VPS35L: variants seen among roughly 807,000 people sequenced by gnomAD.
The protein encoded by VPS35L is VPS35 endosomal protein-sorting factor-like.
In VPS35L, 83 loss-of-function variants were observed where a neutral mutation model predicts 133.0. The ratio of observed to expected loss-of-function variants is 0.62; its 90% confidence interval spans 0.52 to 0.75. The LOEUF is 0.75. VPS35L is among the 30% of genes least tolerant of loss of function. VPS35L has a pLI of 0.00. For missense variants in VPS35L, 1,083 were observed against 1,206.8 expected (o/e 0.90, Z 1.52); for synonymous variants, 423 against 449.9 (o/e 0.94, Z 0.76).
intron 7 of VPS35L, among the ~76,000 whole-genome samples, chr16:19,587,860 C>G (rs1182762045): frequency 3.6e-5 from 5 of 138,342 alleles, no homozygotes. Context: ...AGTGCAGTGG[C>G]GTGATCTCTG....
At chr16:19,640,378 A>C (rs1190977172) in intron 21 of VPS35L, among the ~76,000 whole-genome samples, 1 of 152,248 alleles carries the variant, frequency 6.6e-6, no homozygotes, top group East Asian at 1.9e-4. Context: ...AAAGTTTGTC[A>C]TTCGTGTTTA....
intron 1 of VPS35L, among the ~76,000 whole-genome samples, chr16:19,559,345 C>T (rs1378235604): frequency 2.0e-5 from 3 of 152,178 alleles, no homozygotes; most frequent in South Asian, 2.1e-4. Flanking sequence ...TTTGAATAGC[C>T]AAGGGCTAAG....
chr16:19,624,773 TA>T (rs1973208505), intron 14 of VPS35L, among the ~76,000 whole-genome samples: 1 of 152,124 alleles, frequency 6.6e-6, no homozygotes, highest in East Asian at 1.9e-4. Context: ...TGCCACTTAT[TA>T]GGAAGTGTCT....
intron 7 of VPS35L, among the ~76,000 whole-genome samples, chr16:19,585,854 A>G (rs918482516): frequency 5.3e-5 from 8 of 152,158 alleles, no homozygotes; most frequent in Admixed American, 1.3e-4. Context: ...ATGTCTATTC[A>G]ATGCCTGCCC....
At chr16:19,686,804 A>T (rs981873673) in intron 28 of VPS35L, among the ~76,000 whole-genome samples, 3 of 151,912 alleles carry the variant, frequency 2.0e-5, no homozygotes, top group Non-Finnish European at 1.5e-5. Flanking sequence ...CCCTTTTCCC[A>T]CTTCTGCTAG....
chr16:19,698,466 C>CCTTA (rs1361406630), intron 29 of VPS35L, among the ~76,000 whole-genome samples: 1 of 152,188 alleles, frequency 6.6e-6, no homozygotes, highest in East Asian at 1.9e-4. Context: ...ATGCTCCCTA[C>CCTTA]CTTAATTCCA....
chr16:19,681,377 A>G (rs943245385), intron 27 of VPS35L, among the ~76,000 whole-genome samples: 13 of 152,166 alleles, frequency 8.5e-5, no homozygotes, highest in African/African-American at 2.9e-4. Flanking sequence ...GCAGGTTCCA[A>G]TCATGCTGTT....
chr16:19,617,707 C>G (rs1972941655), intron 14 of VPS35L: 1 of 152,124 alleles, frequency 6.6e-6, no homozygotes, highest in African/African-American at 2.4e-5. Flanking sequence ...GTCATGAAGA[C>G]TGTGATAGGC....
chr16:19,626,201 A>G lies in VPS35L; in HGVS notation c.1249A>G (p.Arg417Gly), dbSNP rs1279807575. The G allele has an allele frequency of 2.5e-6, 4 of 1,599,906 alleles. No individual in the cohort carries two copies. The South Asian group carries it at 3.3e-5, about 13-fold the overall frequency. The part of the protein sequence containing the change: ...PEALLTEMME[R>G]CKKLGNNALL... ...GGCTCTGCTGACCGAGATGATGGAAAGGTGTAAGAAACTAGGAAACAAGTA... is the reference window on the plus strand; with the variant it reads ...GGCTCTGCTGACCGAGATGATGGAAGGGTGTAAGAAACTAGGAAACAAGTA... Residue 417 changes from arginine (R) to glycine (G), a missense_variant, in exon 15 of 31, where the codon AGG (arginine) becomes GGG (glycine). Transcript: ENST00000417362.
chr16:19,586,502 G>C lies in VPS35L; in HGVS notation c.639+4849G>C, dbSNP rs551254261. On this transcript the variant is annotated intron_variant, in intron 7 of 30. Coordinates refer to ENST00000417362, the MANE Select transcript of VPS35L (RefSeq NM_020314.7). ...TTACAGGAGCCTGCTATCACGCCCA[G>C]CTAATTTTTGTATTTTTAGTAGAGA... 2.1e-3 allele frequency among the ~76,000 whole-genome samples: 323 copies of C among 152,116 alleles called. 1 individual carries two copies. The highest frequency in any genetic ancestry group is 7.5e-3 in the African/African-American group (311 of 41,522).
At chr16:19,602,527 C>T (rs1972418339) in intron 9 of VPS35L, among the ~76,000 whole-genome samples, 2 of 151,912 alleles carry the variant, frequency 1.3e-5, no homozygotes, top group Admixed American at 6.6e-5. Flanking sequence ...CTCTCTCTTC[C>T]TCTCCCTCCT....
intron 8 of VPS35L, among the ~76,000 whole-genome samples, chr16:19,593,158 G>T (rs1010446158): frequency 2.0e-5 from 3 of 152,166 alleles, no homozygotes; most frequent in South Asian, 2.1e-4. Context: ...AGGCCCCTGT[G>T]CTGCTTGGCA....
intron 27 of VPS35L, 108 bp from the exon 28 acceptor site, chr16:19,682,117 A>G (rs1309373319): frequency 1.6e-6 from 2 of 1,268,040 alleles, no homozygotes; most frequent in Admixed American, 2.1e-5. Flanking sequence ...TGACAACGTT[A>G]ATTTCTCTAC....
intron 1 of VPS35L, among the ~76,000 whole-genome samples, chr16:19,562,011 A>G (rs1207716785): frequency 6.6e-6 from 1 of 152,152 alleles, no homozygotes; most frequent in Non-Finnish European, 1.5e-5. Context: ...AGGCTGAGGC[A>G]GGAGGATGGC....
At chr16:19,558,999 A>AG (rs1970946056) in intron 1 of VPS35L, among the ~76,000 whole-genome samples, 1 of 151,818 alleles carries the variant, frequency 6.6e-6, no homozygotes, top group South Asian at 2.1e-4. Context: ...GTAGCGGTGA[A>AG]GGGGGCTGGG....
At chr16:19,651,654 A>G (rs1974125261) in intron 25 of VPS35L, among the ~76,000 whole-genome samples, 1 of 152,166 alleles carries the variant, frequency 6.6e-6, no homozygotes, top group African/African-American at 2.4e-5. Flanking sequence ...CTCTTTAGCA[A>G]CTGTTTCTAA....
chr16:19,686,102 A>G (rs1022452557), intron 28 of VPS35L, among the ~76,000 whole-genome samples: 11 of 152,160 alleles, frequency 7.2e-5, no homozygotes, highest in African/African-American at 2.4e-4. Flanking sequence ...TTCTTAGTCC[A>G]GCTGTGTTTA....
chr16:19,601,571 G>A lies in VPS35L; in HGVS notation c.725-93G>A, dbSNP rs1051065755. 1.5e-4 allele frequency: 184 copies of A among 1,267,094 alleles called. 3 individuals carry two copies. The South Asian group carries it at 1.7e-3, about 12-fold the overall frequency. The allele number at this position is 1,267,094 out of a possible 1,614,324, so 78.5% of individuals were successfully genotyped here. On this transcript the variant is annotated intron_variant, in intron 8 of 30. Transcript: ENST00000417362. The stretch of plus-strand genomic sequence containing the variant: ...ATCACAAGTTAAAGCCTGTCTGGGC[G>A]ATGATAGCTCTGGGTCCCTAATTAA...
intron 18 of VPS35L, among the ~76,000 whole-genome samples, chr16:19,630,573 A>G (rs946728698): frequency 6.6e-6 from 1 of 151,976 alleles, no homozygotes; most frequent in Non-Finnish European, 1.5e-5. Context: ...TGAGCTCGCA[A>G]TCAGCCCGCC....
Sources: gnomAD v4.1 joint callset for allele counts (sites outside exome capture counted in the v4.1 genomes callset) on GRCh38, gnomAD v4.1.1 for gene constraint, MANE v1.5 for transcripts, NCBI Gene and HGNC (gene_info 2026-07-23, HGNC 2026-07-21) for gene names.